Variants in LAMC3 observed in about 807,000 individuals in gnomAD.
The protein encoded by LAMC3 is laminin subunit gamma 3.
Under a neutral mutation model 173.8 loss-of-function variants are expected in LAMC3, and 128 were observed. The observed-to-expected ratio is 0.74, with a 90% CI of 0.64 to 0.85. The LOEUF (loss-of-function observed/expected upper bound fraction) is 0.85. Ranked by LOEUF, LAMC3 falls within the 40% of genes least tolerant of loss-of-function variation. The pLI, the probability that LAMC3 is intolerant of heterozygous loss-of-function variation, is 0.00. For missense variants in LAMC3, 2,022 were observed against 2,156.0 expected, an observed-to-expected ratio of 0.94 and a Z score of 1.23; for synonymous variants, 897 against 909.1, an observed-to-expected ratio of 0.99 and a Z score of 0.24.
chr9:131,073,352 T>G, intron 20 of LAMC3, 31 bp downstream of exon 20: 2 of 1,554,868 alleles, frequency 1.3e-6, no homozygotes, highest in Non-Finnish European at 1.8e-6. Context: ...AGCTTACACC[T>G]GGCCCTTCTC....
intron 17 of LAMC3, among the ~76,000 whole-genome samples, chr9:131,071,176 G>A (rs571227632): frequency 3.3e-5 from 5 of 152,304 alleles, no homozygotes; most frequent in East Asian, 3.9e-4. Flanking sequence ...GGAACACAGC[G>A]AACAGGACAG....
At position 131,009,321 on chromosome 9, in the gene LAMC3, T is replaced by G. The variant is rs1486882267; in HGVS notation, c.107T>G (p.Leu36Arg). The stretch of plus-strand genomic sequence containing the variant: ...GGCGCAGGGCGCCCGCAGCGCTGCC[T>G]GCCGGTGTTCGAGAACGCGGCGTTT... ...YDGAGRPQRC[L>R]PVFENAAFGR... Residue 36 changes from leucine to arginine, a missense_variant, in exon 1 of 28, where the codon CTG becomes CGG. Transcript: ENST00000361069. The surrounding 1 kb of genome is among the most constrained non-coding windows in gnomAD (Gnocchi z 4.3). The G allele has an allele frequency of 1.4e-6, 2 of 1,477,496 alleles. No individual in the cohort carries two copies. Among genetic ancestry groups the G allele is most frequent in the Admixed American group, 2.4e-5 (1 of 42,330 alleles). The allele number at this position is 1,477,496 out of a possible 1,614,324, so 91.5% of individuals were successfully genotyped here.
In LAMC3 at chr9:131,091,077, A is replaced by G. The variant is rs147346000; in HGVS notation, c.4478-460A>G. Among the ~76,000 whole-genome samples the G allele has an allele frequency of 2.0e-3, 305 of 152,334 alleles. 1 individual carries two copies. Among genetic ancestry groups the G allele is most frequent in the African/African-American group, 7.0e-3 (291 of 41,576 alleles). On this transcript the variant is annotated intron_variant, in intron 27 of 27. Transcript: ENST00000361069. Reference sequence around the variant, plus strand: ...ACATACATACAAAAATTAGCTGGGCATGGTGGTGTGGGCCTGTGGTTTACC... The same window carrying G: ...ACATACATACAAAAATTAGCTGGGCGTGGTGGTGTGGGCCTGTGGTTTACC...
intron 4 of LAMC3, among the ~76,000 whole-genome samples, chr9:131,037,225 G>C (rs1333089315): frequency 6.6e-6 from 1 of 152,212 alleles, no homozygotes; most frequent in Non-Finnish European, 1.5e-5. Context: ...TGGGGACACA[G>C]AGGCCAGACT....
rs577611786 is a variant in LAMC3, at chr9:131,016,107, C to T, written c.373+6520C>T. ...GATTCTCACACAGCCACAGTATAGA[C>T]GAACCCTGAGGACATTATGCTAAGG... On this transcript the variant is annotated intron_variant, in intron 1 of 27. Coordinates refer to ENST00000361069, the MANE Select transcript of LAMC3 (RefSeq NM_006059.4). Among the ~76,000 whole-genome samples, 81 of 152,250 alleles carry T rather than the reference C, an allele frequency of 5.3e-4. 1 individual carries two copies. The highest frequency in any genetic ancestry group is 2.1e-3 in the South Asian group (10 of 4,824).
rs1564160781 is a variant in LAMC3, at chr9:131,094,218, GTCA to G, written c.*2435_*2437del. Reference sequence around the variant, plus strand: ...CCCCATAATGGCCCCAGGTGTACATGTCATCAGGTCCAGTGCTTGCAAGAGACA... The same window carrying G: ...CCCCATAATGGCCCCAGGTGTACATGTCAGGTCCAGTGCTTGCAAGAGACA... On this transcript the variant is annotated 3_prime_UTR_variant, in exon 28 of 28. Coordinates refer to ENST00000361069, the MANE Select transcript of LAMC3 (RefSeq NM_006059.4). 1 of 152,122 alleles carries G rather than the reference GTCA, an allele frequency of 6.6e-6. No individual in the cohort carries two copies. The highest frequency in any genetic ancestry group is 2.4e-5 in the African/African-American group (1 of 41,396). 9.4% of individuals were successfully genotyped at this position (152,122 alleles called of 1,614,324 possible). A position where few individuals can be genotyped will look rare whatever the true frequency, so the allele number is the denominator to read the frequency against.
chr9:131,032,664 CTCTCTCTCG>C (rs1833863629), intron 3 of LAMC3, among the ~76,000 whole-genome samples: 1 of 151,432 alleles, frequency 6.6e-6, no homozygotes, highest in African/African-American at 2.4e-5. Flanking sequence ...CTCTCTCTCA[CTCTCTCTCG>C]CTCTCTCTCT....
Position 131,057,110 on chromosome 9 carries a change from C to A in LAMC3, c.2121C>A (p.Cys707Ter). The A allele has an allele frequency of 6.2e-7, 1 of 1,614,150 alleles. No individual in the cohort carries two copies. Among genetic ancestry groups the A allele is most frequent in the Admixed American group, 1.7e-5 (1 of 60,032 alleles). Residue 707 changes from cysteine to a stop codon, truncating the protein, a stop_gained, in exon 12 of 28, where the codon TGC becomes TGA. Coordinates refer to ENST00000361069, the MANE Select transcript of LAMC3 (RefSeq NM_006059.4). LOFTEE classifies it high-confidence loss of function. ...GTCCCTATGCCAGCTGTGTCCCCTG[C>A]ACCTGTAACCAGCATGGCACCTGTG... is the stretch of plus-strand genomic sequence containing the variant. ...QGGPYASCVPCTCNQHGTCDP... is the reference protein window; with the variant it reads ...QGGPYASCVP
chr9:131,063,756 T>G (rs1441588425), intron 13 of LAMC3, among the ~76,000 whole-genome samples: 1 of 152,170 alleles, frequency 6.6e-6, no homozygotes, highest in Non-Finnish European at 1.5e-5. Context: ...CTCATCATCA[T>G]CAGTTTCAAT....
chr9:131,013,004 G>A (rs1407370185), intron 1 of LAMC3, among the ~76,000 whole-genome samples: 14 of 152,258 alleles, frequency 9.2e-5, no homozygotes, highest in Admixed American at 9.2e-4. Flanking sequence ...GGGAGGCCAC[G>A]GGGCTGGGGC....
intron 13 of LAMC3, among the ~76,000 whole-genome samples, chr9:131,064,467 T>C (rs1185682070): frequency 4.0e-5 from 6 of 148,246 alleles, no homozygotes; most frequent in Non-Finnish European, 1.5e-5. Flanking sequence ...ATCGAGACCA[T>C]CCTGGCTAAC....
chr9:131,077,676 C>CAAAAAAAAA (rs56320740), intron 22 of LAMC3, among the ~76,000 whole-genome samples: 4 of 27,724 alleles, frequency 1.4e-4, no homozygotes, highest in African/African-American at 1.3e-4. Flanking sequence ...GACTCCATCT[C>CAAAAAAAAA]AAAAAAAAAA....
Position 131,087,591 on chromosome 9 carries a change from C to A in LAMC3, c.4346C>A (p.Ala1449Glu), listed in dbSNP as rs1399602231. The part of the protein sequence containing the change: ...QASQQVLASE[A>E]RRQELEEAER... ...TCCCAGCAGGTGCTGGCGTCTGAAG[C>A]ACGCAGACAGGAGCTGGAGGAAGCT... Residue 1449 changes from alanine (A) to glutamate (E), a missense_variant, in exon 26 of 28, where the codon GCA becomes GAA. By Grantham distance (107) the Ala-to-Glu change is moderately radical. Transcript: ENST00000361069. 6.2e-7 allele frequency: 1 copy of A among 1,613,890 alleles called. No homozygotes were observed. The highest frequency in any genetic ancestry group is 8.5e-7 in the Non-Finnish European group (1 of 1,180,038).
intron 1 of LAMC3, among the ~76,000 whole-genome samples, chr9:131,010,378 TA>T (rs1207648457): frequency 1.3e-5 from 2 of 152,184 alleles, no homozygotes; most frequent in Admixed American, 6.5e-5. Flanking sequence ...CCTGTACCCC[TA>T]GATAGCCAGA....
chr9:131,032,557 GCTCTCTCTCTTGCT>G (rs1833852470), intron 3 of LAMC3, among the ~76,000 whole-genome samples: 3 of 132,104 alleles, frequency 2.3e-5, no homozygotes, highest in Non-Finnish European at 4.9e-5. Context: ...GCTCTCTCTC[GCTCTCTCTCTTGCT>G]CTCTCTCGCT....
chr9:131,033,537 A>G (rs1833886430), intron 3 of LAMC3, among the ~76,000 whole-genome samples: 1 of 152,118 alleles, frequency 6.6e-6, no homozygotes, highest in Admixed American at 6.6e-5. Flanking sequence ...AGAGGTTGGC[A>G]GAGTGTCAGG....
chr9:131,051,563 C>A (rs1277215783), intron 9 of LAMC3, among the ~76,000 whole-genome samples: 2 of 152,026 alleles, frequency 1.3e-5, no homozygotes, highest in African/African-American at 4.8e-5. Context: ...TGGGGTTTCA[C>A]CATCTTGGCC....
chr9:131,088,555 G>A (rs1830367651), intron 27 of LAMC3, among the ~76,000 whole-genome samples: 1 of 152,164 alleles, frequency 6.6e-6, no homozygotes, highest in East Asian at 1.9e-4. Context: ...GAAAAGAACA[G>A]CATGTATTTT....
Position 131,026,999 on chromosome 9 carries a change from A to C in LAMC3, c.678+410A>C, listed in dbSNP as rs985358081. 6.6e-6 allele frequency among the ~76,000 whole-genome samples: 1 copy of C among 152,188 alleles called. No individual in the cohort carries two copies. The highest frequency in any genetic ancestry group is 2.4e-5 in the African/African-American group (1 of 41,446). ...AGTGCTGGGATTACAGGCATGAGCC[A>C]CTGCCCTTGGCCCCAAACCCCATGG... On this transcript the variant is annotated intron_variant, in intron 2 of 27. Coordinates refer to ENST00000361069, the MANE Select transcript of LAMC3 (RefSeq NM_006059.4). This position sits in a 1 kb window ranked among gnomAD's most constrained non-coding sequence, Gnocchi z 4.8.
Sources: gnomAD v4.1 joint callset for allele counts (sites outside exome capture counted in the v4.1 genomes callset) on GRCh38, gnomAD v4.1.1 for gene constraint, Gnocchi (gnomAD v3.1) non-coding constraint, MANE v1.5 for transcripts, NCBI Gene and HGNC (gene_info 2026-07-23, HGNC 2026-07-21) for gene names.